Variants in MET observed in about 807,000 individuals in gnomAD.
MET encodes the protein MET proto-oncogene, receptor tyrosine kinase.
In MET, 48 loss-of-function variants were observed where a neutral mutation model predicts 133.1. The observed-to-expected ratio is 0.36, with a 90% CI of 0.29 to 0.46. MET has a LOEUF of 0.46. Ranked by LOEUF, MET falls within the 20% of genes least tolerant of loss-of-function variation. MET has a pLI of 1.00. For missense variants in MET, 1,442 were observed against 1,695.9 expected, an observed-to-expected ratio of 0.85 and a Z score of 2.63; for synonymous variants, 628 against 616.5, an observed-to-expected ratio of 1.02 and a Z score of -0.28.
At chr7:116,755,002 A>AAGAAAGAAAGAAAGAAAGAAAGAG (rs1794112482) in intron 5 of MET, among the ~76,000 whole-genome samples, 3 of 148,968 alleles carry the variant, frequency 2.0e-5, no homozygotes, top group African/African-American at 7.4e-5. Flanking sequence ...GAAAGAAAGA[A>AAGAAAGAAAGAAAGAAAGAAAGAG]AGAAAGAAAG....
chr7:116,779,174 G>A (rs1200077547), intron 17 of MET, among the ~76,000 whole-genome samples: 3 of 152,204 alleles, frequency 2.0e-5, no homozygotes, highest in Non-Finnish European at 4.4e-5. Flanking sequence ...TGCTCTGCAA[G>A]CAACCTTGCT....
Position 116,759,444 on chromosome 7 carries a change from C to T in MET, c.2318C>T (p.Pro773Leu), listed in dbSNP as rs771333219. 1.1e-4 allele frequency: 183 copies of T among 1,613,620 alleles called. No individual in the cohort carries two copies. The highest frequency in any genetic ancestry group is 4.8e-4 in the Admixed American group (29 of 59,950). ...AAAAACCTGAATTCAGTTAGTGTCC[C>T]GAGAATGGTCATAAATGTGCATGAA... ...VGKNLNSVSV[P>L]RMVINVHEAG... The change falls in exon 10 of 21, where the codon CCG (proline) becomes CTG (leucine). Residue 773 changes from proline (P) to leucine (L), a missense_variant. Transcript: ENST00000397752.
chr7:116,722,864 T>C (rs2116721590), intron 2 of MET, among the ~76,000 whole-genome samples: 1 of 151,404 alleles, frequency 6.6e-6, no homozygotes, highest in Middle Eastern at 3.4e-3. Context: ...GTTAGTCTGA[T>C]GGGCTTCCCT....
In MET at chr7:116,798,238, G is replaced by T. The variant is rs1270332386; in HGVS notation, c.*2114G>T. ...TATAAACTTGTCCTTAGATTAATGT[G>T]TCTGGACAGATTGTGGGAGTAAGTG... is the stretch of plus-strand genomic sequence containing the variant. On this transcript the variant is annotated 3_prime_UTR_variant, in exon 21 of 21. Coordinates refer to ENST00000397752, the MANE Select transcript of MET (RefSeq NM_000245.4). 1 of 208,834 alleles carries T rather than the reference G, an allele frequency of 4.8e-6. No homozygotes were observed. The highest frequency in any genetic ancestry group is 7.2e-5 in the East Asian group (1 of 13,798). 12.9% of individuals were successfully genotyped at this position (208,834 alleles called of 1,614,324 possible).
At chr7:116,716,086 A>G (rs1320458607) in intron 2 of MET, among the ~76,000 whole-genome samples, 1 of 152,006 alleles carries the variant, frequency 6.6e-6, no homozygotes, top group East Asian at 1.9e-4. Context: ...TCCCATCTCT[A>G]CAAAGAAATA....
At position 116,757,478 on chromosome 7, in the gene MET, A is replaced by T. The variant is rs773826297; in HGVS notation, c.1904A>T (p.Asn635Ile). 6.2e-7 allele frequency: 1 copy of T among 1,613,846 alleles called. No individual in the cohort carries two copies. The highest frequency in any genetic ancestry group is 8.5e-7 in the Non-Finnish European group (1 of 1,179,946). Residue 635 changes from asparagine to isoleucine, a missense_variant, in exon 7 of 21, where the codon AAT becomes ATT. By Grantham distance (149) the Asn-to-Ile change is moderately radical. This residue lies in a region of MET where 762 missense variants were observed against 792.4 expected (regional missense o/e 0.96). Transcript: ENST00000397752. The stretch of plus-strand genomic sequence containing the variant: ...GGTCCTGCCATGAATAAGCATTTCA[A>T]TATGTCCATAATTATTTCAAATGGC... ...TVGPAMNKHF[N>I]MSIIISNGHG...
Position 116,700,237 on chromosome 7 carries a change from T to C in MET, c.1153T>C (p.Cys385Arg), listed in dbSNP as rs1562884601. ...NKIVNKNNVRCLQHFYGPNHE... is the reference protein window; with the variant it reads ...NKIVNKNNVRRLQHFYGPNHE... ...GATCGTCAACAAAAACAATGTGAGA[T>C]GTCTCCAGCATTTTTACGGACCCAA... The change falls in exon 2 of 21, where the codon TGT (cysteine) becomes CGT (arginine). Residue 385 changes from cysteine (C) to arginine (R), a missense_variant. Cys to Arg is a radical substitution (Grantham distance 180, BLOSUM62 -3). Coordinates refer to ENST00000397752, the MANE Select transcript of MET (RefSeq NM_000245.4). 6.2e-7 allele frequency: 1 copy of C among 1,601,434 alleles called. No individual in the cohort carries two copies. Among genetic ancestry groups the C allele is most frequent in the East Asian group, 2.2e-5 (1 of 44,840 alleles).
intron 2 of MET, among the ~76,000 whole-genome samples, chr7:116,730,653 G>A (rs1792967901): frequency 6.6e-6 from 1 of 152,162 alleles, no homozygotes; most frequent in African/African-American, 2.4e-5. Context: ...TTGGGAATTG[G>A]TGATGGACTG....
At chr7:116,769,616 A>G (rs2116981896) in intron 11 of MET, 29 bp from the exon 12 acceptor site, 1 of 1,585,598 alleles carries the variant, frequency 6.3e-7, no homozygotes, top group Non-Finnish European at 8.6e-7. Flanking sequence ...TGAAGTGTTA[A>G]CAACCTTTTT....
chr7:116,790,458 C>A (rs1795450045), intron 19 of MET, among the ~76,000 whole-genome samples: 1 of 152,190 alleles, frequency 6.6e-6, no homozygotes, highest in South Asian at 2.1e-4. Flanking sequence ...TTTTTAAAGG[C>A]AGAATAATAT....
At chr7:116,684,447 T>C (rs28716070) in intron 1 of MET, among the ~76,000 whole-genome samples, 2,750 of 152,302 alleles carry the variant, frequency 0.018, 72 homozygotes, top group African/African-American at 0.061. Context: ...AGTTACTATA[T>C]AGTGTGGTAA....
chr7:116,691,136 C>T (rs1728885982), intron 1 of MET, among the ~76,000 whole-genome samples: 1 of 152,090 alleles, frequency 6.6e-6, no homozygotes. Flanking sequence ...ATCATAAATC[C>T]CTTTCTTGCA....
At chr7:116,771,157 A>C (rs535680807) in intron 12 of MET, among the ~76,000 whole-genome samples, 123 of 152,186 alleles carry the variant, frequency 8.1e-4, no homozygotes, top group Non-Finnish European at 1.2e-3. Flanking sequence ...CTGTTTAGTC[A>C]TACTTCTATG....
At chr7:116,769,352 A>T (rs890798182) in intron 11 of MET, among the ~76,000 whole-genome samples, 2 of 152,196 alleles carry the variant, frequency 1.3e-5, no homozygotes, top group Non-Finnish European at 2.9e-5. Flanking sequence ...AGGTGATGAT[A>T]GGTAAGACAT....
Position 116,758,489 on chromosome 7 carries a change from C to A in MET, c.2133C>A (p.Thr711=), listed in dbSNP as rs747803111. ...CAAACAGTATTCTTGAATGTTATAC[C>A]CCAGCCCAAACCATTTCAACTGAGT... is the stretch of plus-strand genomic sequence containing the variant. ...SVSNSILECY[T]PAQTISTEFA... is the part of the protein sequence containing the mutation. Residue 711 remains threonine (T), a synonymous_variant, in exon 9 of 21, where the codon ACC becomes ACA. Transcript: ENST00000397752. 5.2e-5 allele frequency: 84 copies of A among 1,612,712 alleles called. No homozygotes were observed. The highest frequency in any genetic ancestry group is 4.2e-6 in the Non-Finnish European group (5 of 1,179,524).
At chr7:116,720,208 G>T in intron 2 of MET, among the ~76,000 whole-genome samples, 1 of 147,596 alleles carries the variant, frequency 6.8e-6, no homozygotes, top group East Asian at 2.0e-4. Flanking sequence ...CACATCCCTT[G>T]TAAGTTGGAT....
At chr7:116,757,044 C>T (rs542982913) in intron 6 of MET, among the ~76,000 whole-genome samples, 4 of 150,870 alleles carry the variant, frequency 2.7e-5, no homozygotes, top group African/African-American at 4.9e-5. Context: ...GCCTGGGCAA[C>T]GTAGTGAGAC....
chr7:116,684,764 C>T (rs1006684509), intron 1 of MET, among the ~76,000 whole-genome samples: 1 of 151,834 alleles, frequency 6.6e-6, no homozygotes, highest in Non-Finnish European at 1.5e-5. Flanking sequence ...GAGAGTGGGG[C>T]AGAAAAAAAT....
At chr7:116,778,347 G>A (rs561098894) in intron 16 of MET, among the ~76,000 whole-genome samples, 1 of 152,298 alleles carries the variant, frequency 6.6e-6, no homozygotes, top group South Asian at 2.1e-4. Flanking sequence ...TAAGCTTTAA[G>A]TGCACAAATG....
Sources: gnomAD v4.1 joint callset for allele counts (sites outside exome capture counted in the v4.1 genomes callset) on GRCh38, gnomAD v4.1.1 for gene constraint, gnomAD v4.1.1 regional missense constraint, MANE v1.5 for transcripts, NCBI Gene and HGNC (gene_info 2026-07-23, HGNC 2026-07-21) for gene names.